Variants in OLAH observed in about 807,000 individuals in gnomAD.
OLAH encodes the protein S-acyl fatty acid synthase thioesterase, medium chain.
OLAH carries 33 observed loss-of-function variants against 27.8 expected under a neutral mutation model. The ratio of observed to expected loss-of-function variants is 1.19; its 90% CI spans 0.90 to 1.59. OLAH has a LOEUF of 1.59. Ranked by LOEUF, OLAH falls within the 40% of genes most tolerant of loss-of-function variation. The pLI, the probability that OLAH is intolerant of heterozygous loss-of-function variation, is 0.00. For synonymous variants in OLAH, 120 were observed against 102.9 expected, an observed-to-expected ratio of 1.17 and a Z score of -1.01; for missense variants, 359 against 310.8, an observed-to-expected ratio of 1.16 and a Z score of -1.17.
At chr10:15,046,954 C>A (rs899635107) in intron 1 of OLAH, among the ~76,000 whole-genome samples, 172 bp from the exon 2 acceptor site, 3 of 152,150 alleles carry the variant, frequency 2.0e-5, no homozygotes, top group African/African-American at 7.2e-5. Context: ...GAAGCACTTA[C>A]TGCTAATTGG....
At chr10:15,051,949 T>A (rs533813207) in intron 3 of OLAH, among the ~76,000 whole-genome samples, 1 of 152,262 alleles carries the variant, frequency 6.6e-6, no homozygotes, top group South Asian at 2.1e-4. Context: ...GCATACAAAA[T>A]GAGCATGGCT....
intron 6 of OLAH, 97 bp downstream of exon 6, chr10:15,065,850 A>T: frequency 8.9e-7 from 1 of 1,129,082 alleles, no homozygotes; most frequent in Non-Finnish European, 1.3e-6. Flanking sequence ...GTGGGAAGAC[A>T]AAATTCTAAG....
chr10:15,056,923 G>A (rs1236564398), intron 3 of OLAH: 7 of 1,517,926 alleles, frequency 4.6e-6, no homozygotes, highest in Non-Finnish European at 5.3e-6. Flanking sequence ...AGCCACCGTA[G>A]GCGTGAGCCA....
chr10:15,070,447 G>T (rs1844561188), intron 6 of OLAH, among the ~76,000 whole-genome samples: 1 of 152,054 alleles, frequency 6.6e-6, no homozygotes, highest in African/African-American at 2.4e-5. Context: ...ACTCCACTTT[G>T]TTCTCTGAAC....
At position 15,065,653 on chromosome 10, in the gene OLAH, G is replaced by A. The variant is rs1211859211; in HGVS notation, c.472G>A (p.Glu158Lys). 1 of 1,614,122 alleles carries A rather than the reference G, an allele frequency of 6.2e-7. No homozygotes were observed. Residue 158 changes from glutamate to lysine, a missense_variant, in exon 6 of 8, where the codon GAA becomes AAA. Coordinates refer to ENST00000378228, the MANE Select transcript of OLAH (RefSeq NM_001039702.3). ...AGAACAAATAAGTCATTACCTTATGGAATTTGGAGGCACCCCCAAGCATTT... is the reference window on the plus strand; with the variant it reads ...AGAACAAATAAGTCATTACCTTATGAAATTTGGAGGCACCCCCAAGCATTT... ...SEEQISHYLM[E>K]FGGTPKHFAE...
intron 6 of OLAH, among the ~76,000 whole-genome samples, chr10:15,068,559 AT>A (rs1445470087): frequency 6.6e-6 from 1 of 151,726 alleles, no homozygotes; most frequent in African/African-American, 2.4e-5. Flanking sequence ...CACCCAGCTA[AT>A]TTTTTTGTAT....
chr10:15,055,194 A>C (rs1844223505), intron 3 of OLAH, among the ~76,000 whole-genome samples: 1 of 152,130 alleles, frequency 6.6e-6, no homozygotes, highest in Admixed American at 6.6e-5. Flanking sequence ...TTTGATTTAT[A>C]CTTTCTATAT....
chr10:15,047,416 C>G (rs2131341986), intron 2 of OLAH, 96 bp downstream of exon 2: 1 of 1,225,794 alleles, frequency 8.2e-7, no homozygotes, highest in Non-Finnish European at 1.2e-6. Context: ...AAAGAGGTTT[C>G]TCAGCCAGGT....
intron 3 of OLAH, among the ~76,000 whole-genome samples, chr10:15,050,686 G>A (rs947285437): frequency 9.9e-5 from 15 of 151,634 alleles, no homozygotes; most frequent in East Asian, 3.9e-4. Context: ...AACTACAGGC[G>A]CCTGCCACAG....
chr10:15,065,906 G>C (rs1021071173), intron 6 of OLAH, among the ~76,000 whole-genome samples, 153 bp downstream of exon 6: 1 of 152,148 alleles, frequency 6.6e-6, no homozygotes, highest in African/African-American at 2.4e-5. Flanking sequence ...ATGTATACTG[G>C]TTTAGAATGG....
chr10:15,061,722 A>C lies in OLAH; in HGVS notation c.164-2A>C. The C allele has an allele frequency of 6.2e-7, 1 of 1,602,512 alleles. No homozygotes were observed. Among genetic ancestry groups the C allele is most frequent in the Non-Finnish European group, 8.5e-7 (1 of 1,175,566 alleles). On this transcript the variant is annotated splice_acceptor_variant, in intron 3 of 7. Transcript: ENST00000378228. LOFTEE classifies it high-confidence loss of function. ...TGTTCACTTGTGTTTCTCCATCTCC[A>C]GTGCACTCCTTAAGGCTTCCTGGAA...
intron 6 of OLAH, among the ~76,000 whole-genome samples, chr10:15,070,460 T>A (rs913479315): frequency 6.6e-6 from 1 of 152,208 alleles, no homozygotes; most frequent in African/African-American, 2.4e-5. Flanking sequence ...CTCTGAACAA[T>A]AGCCTTTTTT....
intron 3 of OLAH, among the ~76,000 whole-genome samples, chr10:15,055,063 C>G (rs1259379321): frequency 2.0e-5 from 3 of 152,118 alleles, no homozygotes; most frequent in Admixed American, 2.0e-4. Context: ...CTCCAGGGTT[C>G]AAGTGATTCT....
chr10:15,067,900 A>G (rs764808706), intron 6 of OLAH, among the ~76,000 whole-genome samples: 1 of 152,216 alleles, frequency 6.6e-6, no homozygotes, highest in Non-Finnish European at 1.5e-5. Context: ...ACTTCAGCTC[A>G]TATAATCTGT....
rs371452189 is a variant in OLAH, at chr10:15,050,104, G to A, written c.163+339G>A. Among the ~76,000 whole-genome samples, 8 of 152,078 alleles carry A rather than the reference G, an allele frequency of 5.3e-5. No individual in the cohort carries two copies. In the South Asian group the frequency reaches 6.2e-4, roughly 12 times the overall value. On this transcript the variant is annotated intron_variant, in intron 3 of 7. Coordinates refer to ENST00000378228, the MANE Select transcript of OLAH (RefSeq NM_001039702.3). ...ATTTTCCCTTTTCTGCTTTTCTTTCGAATTAATACAGAGTCTAAAAGACTG... is the reference window on the plus strand; with the variant it reads ...ATTTTCCCTTTTCTGCTTTTCTTTCAAATTAATACAGAGTCTAAAAGACTG...
intron 6 of OLAH, among the ~76,000 whole-genome samples, chr10:15,068,830 C>T (rs1589253813): frequency 6.6e-6 from 1 of 152,188 alleles, no homozygotes; most frequent in Non-Finnish European, 1.5e-5. Flanking sequence ...TTAGTCTAGA[C>T]TGGGCTTGAG....
At chr10:15,055,496 A>G (rs1396705139) in intron 3 of OLAH, among the ~76,000 whole-genome samples, 1 of 152,326 alleles carries the variant, frequency 6.6e-6, no homozygotes, top group East Asian at 1.9e-4. Flanking sequence ...TCCTTTCTAC[A>G]TGCTGGTAGC....
chr10:15,042,035 A>C (rs1197319828), upstream of OLAH, among the ~76,000 whole-genome samples: 1 of 151,176 alleles, frequency 6.6e-6, no homozygotes, highest in African/African-American at 2.4e-5. Flanking sequence ...TCTATCCTAC[A>C]CTCTTCACCT....
chr10:15,042,599 C>T (rs1318083037), upstream of OLAH, among the ~76,000 whole-genome samples: 14 of 152,162 alleles, frequency 9.2e-5, no homozygotes, highest in Admixed American at 7.2e-4. Flanking sequence ...TTATTGACTA[C>T]AGTCACTCTG....
Sources: allele counts gnomAD v4.1 joint callset (sites outside exome capture counted in the v4.1 genomes callset), GRCh38; gene constraint gnomAD v4.1.1; transcripts MANE v1.5; gene names NCBI Gene and HGNC (gene_info 2026-07-23, HGNC 2026-07-21).